Variants in NEGR1 observed in about 807,000 individuals in gnomAD.
The protein encoded by NEGR1 is IgLON family member 4.
Under a neutral mutation model 40.9 loss-of-function variants are expected in NEGR1, and 10 were observed. The ratio of observed to expected loss-of-function variants is 0.24; its 90% CI spans 0.15 to 0.42. NEGR1 has a LOEUF of 0.42. NEGR1 is among the 10% of genes least tolerant of loss of function. The pLI is 1.00. For missense variants in NEGR1, 352 were observed against 438.9 expected (o/e 0.80, Z 1.77); for synonymous variants, 185 against 166.8 (o/e 1.11, Z -0.84).
At chr1:72,019,606 A>G (rs756355521) in intron 1 of NEGR1, among the ~76,000 whole-genome samples, 48 of 152,234 alleles carry the variant, frequency 3.2e-4, no homozygotes, top group Non-Finnish European at 4.7e-4. Flanking sequence ...TTGAGATAGT[A>G]AAGGCATTTC....
chr1:71,763,658 G>A (rs997792096), intron 3 of NEGR1, among the ~76,000 whole-genome samples: 3 of 152,038 alleles, frequency 2.0e-5, no homozygotes, highest in African/African-American at 7.2e-5. Context: ...AACCATGTTG[G>A]CTAAAATTGA....
chr1:72,171,497 C>A (rs1164949879), intron 1 of NEGR1, among the ~76,000 whole-genome samples: 5 of 152,116 alleles, frequency 3.3e-5, no homozygotes, highest in Non-Finnish European at 5.9e-5. Flanking sequence ...CATACAAGAA[C>A]CTTCGGCTGA....
intron 1 of NEGR1, among the ~76,000 whole-genome samples, chr1:72,265,451 GAATT>G (rs1655607492): frequency 6.6e-6 from 1 of 150,660 alleles, no homozygotes; most frequent in African/African-American, 2.4e-5. Flanking sequence ...AAATAACTAA[GAATT>G]AATTTGAGCC....
intron 1 of NEGR1, among the ~76,000 whole-genome samples, chr1:72,025,906 T>C (rs1646803399): frequency 6.6e-6 from 1 of 151,116 alleles, no homozygotes; most frequent in Non-Finnish European, 1.5e-5. Flanking sequence ...GGTCAGGAGA[T>C]CGAGATCATC....
intron 1 of NEGR1, among the ~76,000 whole-genome samples, chr1:72,084,873 A>G (rs1340132352): frequency 1.3e-5 from 2 of 152,232 alleles, no homozygotes; most frequent in African/African-American, 2.4e-5. Flanking sequence ...CTAAGATTAC[A>G]AAGTGATAAT....
intron 6 of NEGR1, among the ~76,000 whole-genome samples, chr1:71,499,149 A>G (rs1213675916): frequency 6.6e-6 from 1 of 152,162 alleles, no homozygotes. Flanking sequence ...ATGAACTGTC[A>G]TTAGGTGTCT....
chr1:71,799,934 G>T (rs531086323), intron 2 of NEGR1, among the ~76,000 whole-genome samples: 2 of 152,128 alleles, frequency 1.3e-5, no homozygotes, highest in East Asian at 3.9e-4. Flanking sequence ...GAATGGTCTC[G>T]ATCTCCTGTC....
chr1:71,647,751 A>C (rs1000326523), intron 4 of NEGR1, among the ~76,000 whole-genome samples: 2 of 151,992 alleles, frequency 1.3e-5, no homozygotes, highest in African/African-American at 4.8e-5. Context: ...AGAGTGAAAG[A>C]AACCAGGAAT....
chr1:71,768,149 G>T (rs1656194861), intron 3 of NEGR1, among the ~76,000 whole-genome samples: 1 of 152,178 alleles, frequency 6.6e-6, no homozygotes, highest in Non-Finnish European at 1.5e-5. Context: ...CCCCACTGGG[G>T]CATTACTTAG....
chr1:71,732,357 C>T (rs1654903663), intron 3 of NEGR1, among the ~76,000 whole-genome samples: 1 of 152,200 alleles, frequency 6.6e-6, no homozygotes, highest in Admixed American at 6.5e-5. Context: ...AAACCCCATA[C>T]ATTTCACAAG....
chr1:72,020,185 C>T (rs767663416), intron 1 of NEGR1, among the ~76,000 whole-genome samples: 6 of 152,044 alleles, frequency 3.9e-5, no homozygotes, highest in African/African-American at 9.7e-5. Flanking sequence ...TATGGGTTAG[C>T]GAGCAGGAAA....
At chr1:72,187,065 C>T (rs1652638604) in intron 1 of NEGR1, among the ~76,000 whole-genome samples, 1 of 151,414 alleles carries the variant, frequency 6.6e-6, no homozygotes, top group Non-Finnish European at 1.5e-5. Flanking sequence ...TTTTAGGTGG[C>T]CAATCTCAAA....
chr1:71,751,300 T>G (rs1570296695), intron 3 of NEGR1, among the ~76,000 whole-genome samples: 1 of 152,310 alleles, frequency 6.6e-6, no homozygotes, highest in South Asian at 2.1e-4. Flanking sequence ...ATTTCACCTC[T>G]AAAGCATAGA....
In NEGR1 at chr1:71,396,915, GA is replaced by G; in HGVS notation, c.*10530del. 6.5e-6 allele frequency: 1 copy of G among 154,286 alleles called. No homozygotes were observed. The highest frequency in any genetic ancestry group is 1.4e-5 in the Non-Finnish European group (1 of 69,778). The allele number at this position is 154,286 out of a possible 1,614,324, so 9.6% of individuals were successfully genotyped here. A position where few individuals can be genotyped will look rare whatever the true frequency, so the allele number is the denominator to read the frequency against. ...ATATAGTAAATTAGTATCAGGAGTG[GA>G]GTGCTGCTGAAAAGATACCTGAAAA... On this transcript the variant is annotated 3_prime_UTR_variant, in exon 7 of 7. Coordinates refer to ENST00000357731, the MANE Select transcript of NEGR1 (RefSeq NM_173808.3).
intron 4 of NEGR1, among the ~76,000 whole-genome samples, chr1:71,617,161 A>G (rs934031436): frequency 3.9e-5 from 6 of 152,244 alleles, no homozygotes; most frequent in Non-Finnish European, 8.8e-5. Context: ...GACTAACCAC[A>G]TTGCTAAAGC....
intron 4 of NEGR1, among the ~76,000 whole-genome samples, chr1:71,646,823 A>G (rs1651545944): frequency 6.6e-6 from 1 of 151,988 alleles, no homozygotes; most frequent in East Asian, 1.9e-4. Flanking sequence ...AAATGTTATC[A>G]ATGACATCAA....
At chr1:71,589,747 T>A (rs574491013) in intron 6 of NEGR1, among the ~76,000 whole-genome samples, 3 of 128,066 alleles carry the variant, frequency 2.3e-5, no homozygotes, top group Middle Eastern at 3.8e-3. Flanking sequence ...CTATTATTGC[T>A]ATTTTGCCTT....
At chr1:72,268,432 A>G (rs1655725019) in intron 1 of NEGR1, among the ~76,000 whole-genome samples, 1 of 151,462 alleles carries the variant, frequency 6.6e-6, no homozygotes, top group South Asian at 2.1e-4. Context: ...TCCGCACGTA[A>G]GTTTTTTGTA....
chr1:71,591,950 G>A (rs550602516), intron 6 of NEGR1, among the ~76,000 whole-genome samples: 75 of 152,096 alleles, frequency 4.9e-4, no homozygotes, highest in African/African-American at 1.4e-3. Flanking sequence ...TAACAAGATC[G>A]TAAGACAAAT....
Sources: allele counts gnomAD v4.1 joint callset (sites outside exome capture counted in the v4.1 genomes callset), GRCh38; gene constraint gnomAD v4.1.1; transcripts MANE v1.5; gene names NCBI Gene and HGNC (gene_info 2026-07-23, HGNC 2026-07-21).